The following ADAMTSL1 variants were observed in gnomAD, a reference collection of about 807,000 sequenced individuals.
ADAMTSL1 encodes the protein ADAMTS-like protein 1.
ADAMTSL1 carries 126 observed loss-of-function variants against 201.8 expected under a neutral mutation model. The ratio of observed to expected loss-of-function variants is 0.62; its 90% CI spans 0.54 to 0.72. The LOEUF is 0.72. ADAMTSL1 is among the 30% of genes least tolerant of loss of function. The pLI, the probability that ADAMTSL1 is intolerant of heterozygous loss-of-function variation, is 0.00. For missense variants in ADAMTSL1, 2,679 were observed against 2,277.8 expected, an observed-to-expected ratio of 1.18 and a Z score of -3.59; for synonymous variants, 1,121 against 903.4, an observed-to-expected ratio of 1.24 and a Z score of -4.32.
chr9:18,365,731 T>C (rs1353182859), intron 2 of ADAMTSL1, among the ~76,000 whole-genome samples: 4 of 151,992 alleles, frequency 2.6e-5, no homozygotes, highest in Non-Finnish European at 5.9e-5. Flanking sequence ...GGCAGGGGTG[T>C]CCATCCCCCG....
At chr9:18,565,669 C>A (rs1046538281) in intron 3 of ADAMTSL1, among the ~76,000 whole-genome samples, 29 of 152,100 alleles carry the variant, frequency 1.9e-4, no homozygotes, top group African/African-American at 6.8e-4. Flanking sequence ...AAACTGACCC[C>A]ACTTTCTGTT....
At chr9:18,491,921 A>G (rs1822288947) in intron 1 of ADAMTSL1, among the ~76,000 whole-genome samples, 1 of 152,192 alleles carries the variant, frequency 6.6e-6, no homozygotes. Context: ...TGAGGCACTT[A>G]TACTACAATC....
chr9:18,710,439 G>A (rs562555663), intron 14 of ADAMTSL1, among the ~76,000 whole-genome samples: 30 of 152,266 alleles, frequency 2.0e-4, no homozygotes, highest in African/African-American at 7.2e-4. Context: ...GAGGCCTAGA[G>A]CCTTGTTTTA....
intron 23 of ADAMTSL1, among the ~76,000 whole-genome samples, chr9:18,869,250 C>T (rs1827735236): frequency 6.6e-6 from 1 of 152,206 alleles, no homozygotes; most frequent in East Asian, 1.9e-4. Context: ...GACTTCTAGC[C>T]TCCAGAACTA....
intron 2 of ADAMTSL1, among the ~76,000 whole-genome samples, chr9:18,530,878 C>T (rs571370552): frequency 6.6e-6 from 1 of 152,288 alleles, no homozygotes; most frequent in African/African-American, 2.4e-5. Flanking sequence ...CTCTTAATCA[C>T]TGCACTGTGG....
At chr9:18,043,092 G>T (rs1263885856) in intron 1 of ADAMTSL1, among the ~76,000 whole-genome samples, 1 of 152,158 alleles carries the variant, frequency 6.6e-6, no homozygotes. Context: ...AAACTGTGTA[G>T]TACAGACCAG....
Position 17,974,477 on chromosome 9 carries a change from C to G in ADAMTSL1, c.87+67555C>G, listed in dbSNP as rs191651954. Among the ~76,000 whole-genome samples, 27 of 152,056 alleles carry G rather than the reference C, an allele frequency of 1.8e-4. No individual in the cohort carries two copies. The East Asian group carries it at 2.9e-3, about 16-fold the overall frequency. ...TACTGATCTCTGAAACTTATTCATC[C>G]TACGTAACTGAAACTTTGTACCTTT... On this transcript the variant is annotated intron_variant, in intron 1 of 29. Transcript: ENST00000680146.
intron 2 of ADAMTSL1, among the ~76,000 whole-genome samples, chr9:18,333,031 T>C (rs1300506298): frequency 6.6e-6 from 1 of 152,198 alleles, no homozygotes; most frequent in East Asian, 1.9e-4. Flanking sequence ...CATTTTCTTT[T>C]CTCTTTCCCA....
Position 18,556,608 on chromosome 9 carries a change from G to C in ADAMTSL1, c.238-17422G>C, listed in dbSNP as rs551413850. Among the ~76,000 whole-genome samples the C allele has an allele frequency of 7.1e-4, 108 of 152,036 alleles. 1 individual carries two copies. The highest frequency in any genetic ancestry group is 6.8e-3 in the Middle Eastern group (2 of 294). ...TCAAAGGACAATCTAAAAGCACTGG[G>C]TTTTAGAGGTCAGAAAACACATTTC... On this transcript the variant is annotated intron_variant, in intron 3 of 28. Transcript: ENST00000380548.
intron 14 of ADAMTSL1, among the ~76,000 whole-genome samples, chr9:18,717,247 TAATAATAAATA>T (rs1231165251): frequency 6.8e-6 from 1 of 146,978 alleles, no homozygotes; most frequent in African/African-American, 2.5e-5. Flanking sequence ...ATAATAATAA[TAATAATAAATA>T]AAATAAAATA....
At chr9:18,711,604 G>A (rs1163957344) in intron 14 of ADAMTSL1, among the ~76,000 whole-genome samples, 5 of 152,188 alleles carry the variant, frequency 3.3e-5, no homozygotes, top group African/African-American at 1.2e-4. Flanking sequence ...CTACGCCCAC[G>A]GAGTCTCGCT....
At chr9:18,455,627 C>T (rs983991426) in intron 2 of ADAMTSL1, among the ~76,000 whole-genome samples, 1 of 152,086 alleles carries the variant, frequency 6.6e-6, no homozygotes, top group Non-Finnish European at 1.5e-5. Context: ...AATTCACTTT[C>T]CTTCTTCAGA....
intron 8 of ADAMTSL1, among the ~76,000 whole-genome samples, chr9:18,660,739 A>G (rs1178635575): frequency 6.6e-6 from 1 of 152,222 alleles, no homozygotes; most frequent in African/African-American, 2.4e-5. Flanking sequence ...TATTGGATAG[A>G]AAAAGTGTTC....
chr9:18,637,514 T>C, intron 6 of ADAMTSL1, among the ~76,000 whole-genome samples: 1 of 152,184 alleles, frequency 6.6e-6, no homozygotes, highest in East Asian at 1.9e-4. Context: ...ATAGATTTCA[T>C]AATTATGTGA....
chr9:18,548,774 G>A (rs1587529774), intron 3 of ADAMTSL1, among the ~76,000 whole-genome samples: 2 of 151,702 alleles, frequency 1.3e-5, no homozygotes, highest in Admixed American at 6.6e-5. Flanking sequence ...GAATAAATTA[G>A]GGAGTAAAGA....
intron 1 of ADAMTSL1, among the ~76,000 whole-genome samples, chr9:17,985,971 C>T (rs1050167365): frequency 1.3e-5 from 2 of 152,080 alleles, no homozygotes; most frequent in East Asian, 3.9e-4. Context: ...AATTAAGACA[C>T]ATGATGAATG....
intron 2 of ADAMTSL1, among the ~76,000 whole-genome samples, chr9:18,531,062 C>T (rs554212927): frequency 6.6e-6 from 1 of 152,298 alleles, no homozygotes; most frequent in East Asian, 1.9e-4. Context: ...TGATATTTTT[C>T]AGCAATAGCA....
At chr9:18,217,599 C>A (rs1486893157) in intron 2 of ADAMTSL1, among the ~76,000 whole-genome samples, 1 of 152,112 alleles carries the variant, frequency 6.6e-6, no homozygotes, top group Non-Finnish European at 1.5e-5. Context: ...ATATATGGAC[C>A]ATGATGGACA....
intron 8 of ADAMTSL1, 37 bp from the exon 9 acceptor site, chr9:18,661,898 G>A: frequency 6.3e-7 from 1 of 1,596,642 alleles, no homozygotes; most frequent in East Asian, 2.2e-5. Context: ...GCATTGGCAT[G>A]TACATTTAAA....
Sources: gnomAD v4.1 joint callset for allele counts (sites outside exome capture counted in the v4.1 genomes callset) on GRCh38, gnomAD v4.1.1 for gene constraint, MANE v1.5 for transcripts, NCBI Gene and HGNC (gene_info 2026-07-23, HGNC 2026-07-21) for gene names.